SOX5: variants seen among roughly 807,000 people sequenced by gnomAD.
SOX5 encodes transcription factor SOX-5.
A neutral mutation model predicts 92.0 loss-of-function variants in SOX5; 9 were observed. The ratio of observed to expected loss-of-function variants is 0.10; its 90% confidence interval spans 0.06 to 0.17. The LOEUF is 0.17. SOX5 is among the 10% of genes least tolerant of loss of function. The pLI, the probability that SOX5 is intolerant of heterozygous loss-of-function variation, is 1.00. For missense variants in SOX5, 642 were observed against 944.5 expected, an observed-to-expected ratio of 0.68 and a Z score of 4.20; for synonymous variants, 344 against 336.3, an observed-to-expected ratio of 1.02 and a Z score of -0.25.
At chr12:23,592,895 A>G (rs1373593114) in intron 9 of SOX5, among the ~76,000 whole-genome samples, 1 of 152,140 alleles carries the variant, frequency 6.6e-6, no homozygotes, top group Non-Finnish European at 1.5e-5. Context: ...CCTGACCAAC[A>G]TGGTGAAACC....
intron 4 of SOX5, among the ~76,000 whole-genome samples, chr12:23,993,300 T>C (rs371233626): frequency 1.3e-5 from 2 of 152,130 alleles, no homozygotes; most frequent in South Asian, 4.1e-4. Flanking sequence ...AAATAAGCCA[T>C]ATTAAAGAAC....
intron 1 of SOX5, among the ~76,000 whole-genome samples, chr12:24,396,768 G>C (rs1269649818): frequency 6.6e-6 from 1 of 152,212 alleles, no homozygotes; most frequent in African/African-American, 2.4e-5. Flanking sequence ...TAAATCTCCA[G>C]GTACAGCTAG....
intron 3 of SOX5, among the ~76,000 whole-genome samples, chr12:24,221,787 G>T (rs1462859920): frequency 6.6e-6 from 1 of 152,218 alleles, no homozygotes; most frequent in African/African-American, 2.4e-5. Flanking sequence ...CTGAGAGCAG[G>T]ATCTGCAATT....
chr12:24,096,052 T>A (rs1945370352), intron 4 of SOX5, among the ~76,000 whole-genome samples: 1 of 152,236 alleles, frequency 6.6e-6, no homozygotes, highest in Non-Finnish European at 1.5e-5. Flanking sequence ...AACTGGAAGA[T>A]TAATTGTGCT....
At chr12:24,212,357 T>A in intron 4 of SOX5, 2 of 527,738 alleles carry the variant, frequency 3.8e-6, no homozygotes, top group Non-Finnish European at 3.9e-6. Context: ...ATTGAAGAGA[T>A]CTGATCACAC....
At chr12:24,193,883 T>TGA (rs1956759660) in intron 4 of SOX5, among the ~76,000 whole-genome samples, 2 of 152,274 alleles carry the variant, frequency 1.3e-5, no homozygotes, top group East Asian at 3.9e-4. Flanking sequence ...TCACTAACAG[T>TGA]CACTTACAAT....
At chr12:23,549,099 T>G (rs1259699361) in intron 11 of SOX5, among the ~76,000 whole-genome samples, 1 of 152,036 alleles carries the variant, frequency 6.6e-6, no homozygotes, top group Non-Finnish European at 1.5e-5. Context: ...TTTCTAAAAG[T>G]GTTTTTTCAT....
intron 4 of SOX5, among the ~76,000 whole-genome samples, chr12:24,037,679 A>G (rs898841093): frequency 6.6e-6 from 1 of 152,212 alleles, no homozygotes; most frequent in Non-Finnish European, 1.5e-5. Flanking sequence ...TTCTATTCCA[A>G]AAGTTAAATA....
intron 2 of SOX5, among the ~76,000 whole-genome samples, chr12:23,883,214 A>C (rs2097019751): frequency 6.6e-6 from 1 of 152,026 alleles, no homozygotes; most frequent in Non-Finnish European, 1.5e-5. Context: ...TAAACAGACA[A>C]ACATTTTATC....
chr12:23,608,807 AAT>A (rs1342854131), intron 8 of SOX5, among the ~76,000 whole-genome samples: 1 of 152,340 alleles, frequency 6.6e-6, no homozygotes, highest in East Asian at 1.9e-4. Flanking sequence ...ATCAATAAAA[AAT>A]AGTTATAATT....
At chr12:24,387,576 T>C (rs1958555753) in intron 1 of SOX5, among the ~76,000 whole-genome samples, 2 of 152,098 alleles carry the variant, frequency 1.3e-5, no homozygotes, top group Admixed American at 1.3e-4. Context: ...CTCCAGGAGA[T>C]GGAGTGAGTC....
chr12:24,102,841 G>T (rs916044126), intron 4 of SOX5, among the ~76,000 whole-genome samples: 1 of 152,206 alleles, frequency 6.6e-6, no homozygotes, highest in African/African-American at 2.4e-5. Flanking sequence ...GTTTTATTAT[G>T]TTAGAGACTC....
intron 1 of SOX5, among the ~76,000 whole-genome samples, chr12:24,544,348 C>T (rs1952418514): frequency 6.6e-6 from 1 of 151,962 alleles, no homozygotes; most frequent in Non-Finnish European, 1.5e-5. Context: ...TTTTCTATTG[C>T]TGAGATGACA....
intron 11 of SOX5, among the ~76,000 whole-genome samples, chr12:23,562,360 C>T (rs1301105098): frequency 1.3e-5 from 2 of 152,204 alleles, no homozygotes; most frequent in Non-Finnish European, 2.9e-5. Context: ...ATACATCAAA[C>T]TCCACATAAA....
intron 10 of SOX5, among the ~76,000 whole-genome samples, chr12:23,572,272 A>C (rs1267106468): frequency 1.3e-5 from 2 of 152,334 alleles, no homozygotes; most frequent in East Asian, 3.9e-4. Context: ...TCACACATTA[A>C]TTCTTCTTTC....
chr12:24,092,560 A>G (rs1225691466), intron 4 of SOX5, among the ~76,000 whole-genome samples: 1 of 152,178 alleles, frequency 6.6e-6, no homozygotes, highest in Non-Finnish European at 1.5e-5. Context: ...ACTGGAAGAA[A>G]CTGGTTAGAC....
intron 2 of SOX5, among the ~76,000 whole-genome samples, chr12:24,340,854 G>T (rs558278770): frequency 7.2e-5 from 11 of 152,134 alleles, no homozygotes; most frequent in African/African-American, 1.9e-4. Context: ...AGGATTTTTT[G>T]TTGTTGTTGT....
chr12:23,767,838 T>C (rs895617724), intron 3 of SOX5, among the ~76,000 whole-genome samples: 12 of 151,614 alleles, frequency 7.9e-5, no homozygotes, highest in Non-Finnish European at 1.6e-4. Context: ...TATATATATA[T>C]ATATAATAAA....
intron 1 of SOX5, among the ~76,000 whole-genome samples, chr12:24,406,236 G>A (rs1464655220): frequency 6.6e-6 from 1 of 152,174 alleles, no homozygotes; most frequent in Non-Finnish European, 1.5e-5. Context: ...CAAATCAGAG[G>A]CCAGAGGGAA....
Sources: allele counts gnomAD v4.1 joint callset (sites outside exome capture counted in the v4.1 genomes callset), GRCh38; gene constraint gnomAD v4.1.1; transcripts MANE v1.5; gene names NCBI Gene and HGNC (gene_info 2026-07-23, HGNC 2026-07-21).